Variants in ZNF710 observed in about 807,000 individuals in gnomAD.
ZNF710 encodes zinc finger protein 710.
ZNF710 carries 13 observed loss-of-function variants against 50.6 expected under a neutral mutation model. The ratio of observed to expected loss-of-function variants is 0.26; its 90% CI spans 0.17 to 0.41. The LOEUF is 0.41. Ranked by LOEUF, ZNF710 falls within the 10% of genes least tolerant of loss-of-function variation. ZNF710 has a pLI of 1.00. For synonymous variants in ZNF710, 383 were observed against 397.0 expected, an observed-to-expected ratio of 0.96 and a Z score of 0.42; for missense variants, 721 against 936.6, an observed-to-expected ratio of 0.77 and a Z score of 3.01.
At chr15:90,016,993 A>G (rs1251731955) in intron 1 of ZNF710, among the ~76,000 whole-genome samples, 1 of 152,180 alleles carries the variant, frequency 6.6e-6, no homozygotes, top group Non-Finnish European at 1.5e-5. Flanking sequence ...TCTGAACCTT[A>G]GCGTTATTTC....
rs746110118 is a variant in ZNF710 at position 90,067,291 on chromosome 15, T to C, written c.154T>C (p.Ser52Pro). 1.2e-6 allele frequency: 2 copies of C among 1,611,642 alleles called. No homozygotes were observed. The highest frequency in any genetic ancestry group is 2.2e-5 in the South Asian group (2 of 90,776). The change falls in exon 2 of 5, where the codon TCA becomes CCA. Residue 52 changes from serine to proline, a missense_variant. Around this residue, in one of 3 missense-constraint regions of ZNF710, gnomAD observed 326 missense variants for 347.1 expected, o/e 0.94. Coordinates refer to ENST00000268154, the MANE Select transcript of ZNF710 (RefSeq NM_198526.4). The surrounding 1 kb of genome is among the most constrained non-coding windows in gnomAD (Gnocchi z 8.1). ...AFYPDLGPEL[S>P]GAAMGEPEPP... ...CTACCCGGACCTGGGGCCCGAGCTT[T>C]CAGGGGCAGCCATGGGAGAGCCCGA...
chr15:90,072,438 A>C (rs1036081982), intron 2 of ZNF710, among the ~76,000 whole-genome samples: 1 of 152,150 alleles, frequency 6.6e-6, no homozygotes, highest in African/African-American at 2.4e-5. Flanking sequence ...TTAGGAAAAC[A>C]CTTTCAAGAG....
chr15:90,005,639 G>A (rs12324347), intron 1 of ZNF710, among the ~76,000 whole-genome samples: 3,628 of 152,148 alleles, frequency 0.024, 154 homozygotes, highest in African/African-American at 0.083. Flanking sequence ...TAGTAGAGAC[G>A]GGGTTTCACC....
At chr15:90,037,688 T>G (rs562815872) in intron 1 of ZNF710, among the ~76,000 whole-genome samples, 1 of 152,210 alleles carries the variant, frequency 6.6e-6, no homozygotes, top group African/African-American at 2.4e-5. Flanking sequence ...GCCACAATTA[T>G]GAGAGCATCT....
chr15:90,044,370 C>T (rs1212885924), intron 1 of ZNF710, among the ~76,000 whole-genome samples: 1 of 152,240 alleles, frequency 6.6e-6, no homozygotes, highest in African/African-American at 2.4e-5. Flanking sequence ...GTGGTGTCGC[C>T]ATTCCCTGCC....
intron 1 of ZNF710, among the ~76,000 whole-genome samples, chr15:90,036,818 T>C (rs567625707): frequency 6.6e-6 from 1 of 152,254 alleles, no homozygotes; most frequent in East Asian, 1.9e-4. Flanking sequence ...GAGAATGGCA[T>C]CCAGACATGG....
chr15:90,037,386 T>G (rs1034419869), intron 1 of ZNF710, among the ~76,000 whole-genome samples: 29 of 152,290 alleles, frequency 1.9e-4, no homozygotes, highest in African/African-American at 6.0e-4. Flanking sequence ...AACCGCTCCT[T>G]CCACTGGGGC....
At chr15:90,043,917 C>T (rs1264479370) in intron 1 of ZNF710, among the ~76,000 whole-genome samples, 5 of 151,562 alleles carry the variant, frequency 3.3e-5, no homozygotes, top group African/African-American at 1.2e-4. Context: ...TTTTTTTTTC[C>T]CCTCTTGCCT....
intron 1 of ZNF710, among the ~76,000 whole-genome samples, chr15:90,013,886 C>T (rs1898379884): frequency 6.6e-6 from 1 of 152,114 alleles, no homozygotes; most frequent in South Asian, 2.1e-4. Flanking sequence ...GTTGCATTAC[C>T]TATTAGTCTG....
chr15:90,068,560 A>G lies in ZNF710; in HGVS notation c.1423A>G (p.Ile475Val), dbSNP rs201628958. 159 of 1,608,080 alleles carry G rather than the reference A, an allele frequency of 9.9e-5. No individual in the cohort carries two copies. Among genetic ancestry groups the G allele is most frequent in the Admixed American group, 4.7e-4 (28 of 59,982 alleles). Reference sequence around the variant, plus strand: ...TGAATGCGGCATGGAGTTCAGCCAGATTCACCACCTCAAGCAGCACTCCCT... The same window carrying G: ...TGAATGCGGCATGGAGTTCAGCCAGGTTCACCACCTCAAGCAGCACTCCCT... ...CTECGMEFSQ[I>V]HHLKQHSLTH... is the part of the protein sequence containing the mutation. The change falls in exon 2 of 5, where the codon ATT becomes GTT. Residue 475 changes from isoleucine (I) to valine (V), a missense_variant. Physicochemically the swap from Ile to Val is conservative, Grantham distance 29. Transcript: ENST00000268154. The surrounding 1 kb of genome is among the most constrained non-coding windows in gnomAD (Gnocchi z 5.0).
In ZNF710 at chr15:90,041,134, TTC is replaced by T. The variant is rs534641096; in HGVS notation, c.-28-25974_-28-25973del. Among the ~76,000 whole-genome samples, 62 of 152,294 alleles carry T rather than the reference TTC, an allele frequency of 4.1e-4. No individual in the cohort carries two copies. In the East Asian group the frequency reaches 9.8e-3, roughly 24 times the overall value. On this transcript the variant is annotated intron_variant, in intron 1 of 4. Transcript: ENST00000268154. ...GTTTATCTATTGGTTCACTGATCAA[TTC>T]TGTTTTTTTTTTCTAGACACCTAGG...
At chr15:90,004,650 A>G (rs1052554526) in intron 1 of ZNF710, among the ~76,000 whole-genome samples, 1 of 152,236 alleles carries the variant, frequency 6.6e-6, no homozygotes, top group African/African-American at 2.4e-5. Context: ...CCAGGATTAC[A>G]CAGTAAGTGG....
Position 90,038,740 on chromosome 15 carries a change from T to TGTGTGTGTGTGTGTGAGA in ZNF710, c.-28-28369_-28-28368insTGTGTGTGTGTGTGAGAG, listed in dbSNP as rs150950322. 1.1e-3 allele frequency among the ~76,000 whole-genome samples: 163 copies of TGTGTGTGTGTGTGTGAGA among 148,638 alleles called. 3 individuals carry two copies. The highest frequency in any genetic ancestry group is 3.9e-3 in the African/African-American group (152 of 38,778). On this transcript the variant is annotated intron_variant, in intron 1 of 4. Coordinates refer to ENST00000268154, the MANE Select transcript of ZNF710 (RefSeq NM_198526.4). ...GTGTGTGTGTGTGTGTGTGTGTGTGTGAGACATTGGCTTTGAAGAGTCCAG... is the reference window on the plus strand; with the variant it reads ...GTGTGTGTGTGTGTGTGTGTGTGTGTGTGTGTGTGTGTGTGAGAGAGACATTGGCTTTGAAGAGTCCAG...
At chr15:90,036,692 G>A (rs1899137562) in intron 1 of ZNF710, among the ~76,000 whole-genome samples, 2 of 152,162 alleles carry the variant, frequency 1.3e-5, no homozygotes, top group Admixed American at 1.3e-4. Context: ...CATGGGAAAG[G>A]GTTAAATAGA....
At chr15:90,042,923 C>T (rs949736259) in intron 1 of ZNF710, among the ~76,000 whole-genome samples, 4 of 152,238 alleles carry the variant, frequency 2.6e-5, no homozygotes, top group African/African-American at 2.4e-5. Flanking sequence ...CACGCCTCAA[C>T]GTCCAAAGAG....
At chr15:90,055,415 G>A (rs1434154001) in intron 1 of ZNF710, among the ~76,000 whole-genome samples, 1 of 152,108 alleles carries the variant, frequency 6.6e-6, no homozygotes, top group Non-Finnish European at 1.5e-5. Flanking sequence ...ATGGAGGGAG[G>A]GGACAGCAGC....
At chr15:90,070,189 A>C (rs772296427) in intron 2 of ZNF710, among the ~76,000 whole-genome samples, 1 of 152,104 alleles carries the variant, frequency 6.6e-6, no homozygotes, top group Non-Finnish European at 1.5e-5. Flanking sequence ...TAGCTGCCTA[A>C]AATGTAATGT....
chr15:90,076,084 C>CA (rs938755381), intron 4 of ZNF710: 4 of 152,222 alleles, frequency 2.6e-5, no homozygotes, highest in South Asian at 2.1e-4. Context: ...GCCTTTCCCA[C>CA]AAGTTCCCAG....
chr15:90,067,367 A>G lies in ZNF710; in HGVS notation c.230A>G (p.Glu77Gly), dbSNP rs1458268649. The change falls in exon 2 of 5, where the codon GAG (glutamate) becomes GGG (glycine). Residue 77 changes from glutamate to glycine, a missense_variant. By Grantham distance (98) the Glu-to-Gly change is moderately conservative. Transcript: ENST00000268154. This position sits in a 1 kb window ranked among gnomAD's most constrained non-coding sequence, Gnocchi z 8.1. Reference protein sequence around the residue: ...YQLACNGRALEEPAEEEVLEV... With the variant: ...YQLACNGRALGEPAEEEVLEV... ...CTGGCCTGCAACGGGAGGGCCTTGG[A>G]GGAGCCGGCGGAGGAGGAGGTGCTG... 6.3e-7 allele frequency: 1 copy of G among 1,597,386 alleles called. No individual in the cohort carries two copies. The highest frequency in any genetic ancestry group is 8.5e-7 in the Non-Finnish European group (1 of 1,171,912).
Sources: allele counts gnomAD v4.1 joint callset (sites outside exome capture counted in the v4.1 genomes callset), GRCh38; gene constraint gnomAD v4.1.1; regional missense constraint gnomAD v4.1.1; non-coding constraint Gnocchi (gnomAD v3.1); transcripts MANE v1.5; gene names NCBI Gene and HGNC (gene_info 2026-07-23, HGNC 2026-07-21).